The following RSPO3 variants were observed in gnomAD, a reference collection of about 807,000 sequenced individuals.
The protein encoded by RSPO3 is R-spondin 3.
Under a neutral mutation model 36.5 loss-of-function variants are expected in RSPO3, and 17 were observed. The ratio of observed to expected loss-of-function variants is 0.47; its 90% CI spans 0.32 to 0.70. The LOEUF is 0.70. Ranked by LOEUF, RSPO3 falls within the 30% of genes least tolerant of loss-of-function variation. The probability of loss-of-function intolerance (pLI) is 0.04; values close to 1 mark genes in which losing one functional copy is unlikely to be tolerated. For missense variants in RSPO3, 294 were observed against 322.5 expected, an observed-to-expected ratio of 0.91 and a Z score of 0.68; for synonymous variants, 108 against 107.0, an observed-to-expected ratio of 1.01 and a Z score of -0.06.
At chr6:127,124,505 T>C (rs1404477667) in intron 1 of RSPO3, among the ~76,000 whole-genome samples, 1 of 152,016 alleles carries the variant, frequency 6.6e-6, no homozygotes, top group Non-Finnish European at 1.5e-5. Context: ...CATTATGTGC[T>C]GGCATTTTTT....
In RSPO3 at chr6:127,131,907, C is replaced by T. The variant is rs1021633182; in HGVS notation, c.97+12618C>T. Among the ~76,000 whole-genome samples the T allele has an allele frequency of 2.0e-5, 3 of 152,120 alleles. No homozygotes were observed. The South Asian group carries it at 6.2e-4, about 31-fold the overall frequency. On this transcript the variant is annotated intron_variant, in intron 1 of 4. Coordinates refer to ENST00000356698, the MANE Select transcript of RSPO3 (RefSeq NM_032784.5). ...ACTGGGTCTCTGAAACCTAAATAAT[C>T]CCTTTACTTTAAACCTGAAGCAAAT...
chr6:127,158,926 A>C lies in RSPO3; in HGVS notation c.634+3488A>C, dbSNP rs550179694. 2.0e-5 allele frequency among the ~76,000 whole-genome samples: 3 copies of C among 152,328 alleles called. No homozygotes were observed. In the South Asian group the frequency reaches 6.2e-4, roughly 32 times the overall value. ...TGAACTTAATTGAATTATATATTTGAAATATCAAAAATATAGATTTTAAGA... is the reference window on the plus strand; with the variant it reads ...TGAACTTAATTGAATTATATATTTGCAATATCAAAAATATAGATTTTAAGA... On this transcript the variant is annotated intron_variant, in intron 4 of 4. Transcript: ENST00000356698.
At chr6:127,177,076 G>T (rs1775071089) in intron 4 of RSPO3, among the ~76,000 whole-genome samples, 1 of 151,806 alleles carries the variant, frequency 6.6e-6, no homozygotes. Flanking sequence ...ATGATGTGAA[G>T]TGCCACAGCT....
chr6:127,196,695 T>C lies in RSPO3; in HGVS notation c.*688T>C, dbSNP rs1775522420. ...TTGTGCTTTACAAAACTGTGAAGGA[T>C]TGTGGTCACCTGGAACAGGTCTCCA... On this transcript the variant is annotated 3_prime_UTR_variant, in exon 5 of 5. Transcript: ENST00000356698. 1 of 152,280 alleles carries C rather than the reference T, an allele frequency of 6.6e-6. No homozygotes were observed. Among genetic ancestry groups the C allele is most frequent in the South Asian group, 2.1e-4 (1 of 4,838 alleles). 9.4% of individuals were successfully genotyped at this position (152,280 alleles called of 1,614,324 possible).
chr6:127,189,802 T>C (rs1582816222), intron 4 of RSPO3, among the ~76,000 whole-genome samples: 1 of 152,136 alleles, frequency 6.6e-6, no homozygotes, highest in South Asian at 2.1e-4. Flanking sequence ...GAAAAGGCAA[T>C]AGAATTCGTG....
intron 3 of RSPO3, 80 bp from the exon 4 acceptor site, chr6:127,155,161 G>A: frequency 2.1e-6 from 3 of 1,414,892 alleles, no homozygotes; most frequent in Non-Finnish European, 3.0e-6. Flanking sequence ...AAGTTCTGAT[G>A]GAAGCAAATC....
At chr6:127,154,127 A>C (rs1232057692) in intron 3 of RSPO3, among the ~76,000 whole-genome samples, 1 of 152,216 alleles carries the variant, frequency 6.6e-6, no homozygotes, top group Admixed American at 6.6e-5. Context: ...AAATTTCTAA[A>C]ACATTTAAGT....
In RSPO3 at chr6:127,163,813, A is replaced by G. The variant is rs145315683; in HGVS notation, c.634+8375A>G. Among the ~76,000 whole-genome samples the G allele has an allele frequency of 2.3e-3, 346 of 152,232 alleles. 3 individuals carry two copies. Among genetic ancestry groups the G allele is most frequent in the African/African-American group, 7.7e-3 (322 of 41,560 alleles). ...TTCTGCCCTCTGTATTCTGCAGGAC[A>G]TTGTAGTTGAAAATGACAGATCTCA... is the stretch of plus-strand genomic sequence containing the variant. On this transcript the variant is annotated intron_variant, in intron 4 of 4. Transcript: ENST00000356698.
At chr6:127,187,860 C>T (rs1004567322) in intron 4 of RSPO3, among the ~76,000 whole-genome samples, 3 of 152,012 alleles carry the variant, frequency 2.0e-5, no homozygotes, top group Admixed American at 1.3e-4. Flanking sequence ...AAATATTATA[C>T]AATAAAATAC....
chr6:127,137,868 T>C (rs1218252353), intron 1 of RSPO3, among the ~76,000 whole-genome samples: 1 of 152,230 alleles, frequency 6.6e-6, no homozygotes, highest in Non-Finnish European at 1.5e-5. Context: ...GGTTTTAGAA[T>C]ATTAAAGTAT....
At chr6:127,119,341 C>T in intron 1 of RSPO3, 52 bp downstream of exon 1, 6 of 1,386,694 alleles carry the variant, frequency 4.3e-6, no homozygotes, top group Non-Finnish European at 6.1e-6. Context: ...GTTCACCTGT[C>T]GGGTCGCTTT....
In RSPO3 at chr6:127,131,006, T is replaced by C. The variant is rs535483563; in HGVS notation, c.97+11717T>C. Among the ~76,000 whole-genome samples the C allele has an allele frequency of 2.5e-3, 380 of 152,206 alleles. 19 individuals are homozygous for C. In the South Asian group the frequency reaches 0.076, roughly 31 times the overall value. ...CCTCCACAAAGACTGAATATAATTT[T>C]AAAAGGACAGTCTTTCTTTCATATA... is the stretch of plus-strand genomic sequence containing the variant. On this transcript the variant is annotated intron_variant, in intron 1 of 4. Transcript: ENST00000356698.
chr6:127,125,824 C>G (rs78673783), intron 1 of RSPO3, among the ~76,000 whole-genome samples: 1 of 152,026 alleles, frequency 6.6e-6, no homozygotes, highest in Non-Finnish European at 1.5e-5. Context: ...GGTTAGGGAG[C>G]TGGATCAGAA....
intron 1 of RSPO3, among the ~76,000 whole-genome samples, chr6:127,139,867 A>AT (rs1417291015): frequency 8.6e-5 from 13 of 152,010 alleles, no homozygotes; most frequent in South Asian, 6.2e-4. Flanking sequence ...GGGGATGTTG[A>AT]TTCAGTACCT....
rs1773774866 is a variant in RSPO3, at chr6:127,118,982, T to G, written c.-211T>G. On this transcript the variant is annotated 5_prime_UTR_variant, in exon 1 of 5. Coordinates refer to ENST00000356698, the MANE Select transcript of RSPO3 (RefSeq NM_032784.5). The stretch of plus-strand genomic sequence containing the variant: ...AGCGAAGCCGCCGCAGTTCAGTGCT[T>G]GGATAATTTGAAAGTACAATAGTTG... The G allele has an allele frequency of 5.0e-6, 2 of 398,996 alleles. No homozygotes were observed. Among genetic ancestry groups the G allele is most frequent in the South Asian group, 6.8e-5 (1 of 14,800 alleles). 24.7% of individuals were successfully genotyped at this position (398,996 alleles called of 1,614,324 possible). A position where few individuals can be genotyped will look rare whatever the true frequency, so the allele number is the denominator to read the frequency against.
intron 1 of RSPO3, among the ~76,000 whole-genome samples, chr6:127,121,826 G>C (rs1190693819): frequency 6.6e-6 from 1 of 152,134 alleles, no homozygotes; most frequent in South Asian, 2.1e-4. Flanking sequence ...GAAAACATGT[G>C]GTCAAACGTG....
At chr6:127,152,724 A>T (rs1774514921) in intron 3 of RSPO3, among the ~76,000 whole-genome samples, 1 of 152,138 alleles carries the variant, frequency 6.6e-6, no homozygotes, top group African/African-American at 2.4e-5. Flanking sequence ...GTCACAGTGT[A>T]TCTGCTTTCC....
At chr6:127,176,406 C>A (rs551913360) in intron 4 of RSPO3, among the ~76,000 whole-genome samples, 28 of 151,734 alleles carry the variant, frequency 1.8e-4, no homozygotes, top group African/African-American at 6.5e-4. Flanking sequence ...GGTGCTGGGG[C>A]TCCAACATCA....
At chr6:127,134,222 A>ATTAC (rs1161979456) in intron 1 of RSPO3, among the ~76,000 whole-genome samples, 30 of 152,296 alleles carry the variant, frequency 2.0e-4, no homozygotes, top group Middle Eastern at 6.8e-3. Context: ...AATAGGACTC[A>ATTAC]TTACTTAGCA....
Sources: allele counts gnomAD v4.1 joint callset (sites outside exome capture counted in the v4.1 genomes callset), GRCh38; gene constraint gnomAD v4.1.1; transcripts MANE v1.5; gene names NCBI Gene and HGNC (gene_info 2026-07-23, HGNC 2026-07-21).